The following TENM4 variants were observed in gnomAD, a reference collection of about 807,000 sequenced individuals.
TENM4 encodes the protein teneurin transmembrane protein 4.
TENM4 carries 82 observed loss-of-function variants against 243.3 expected under a neutral mutation model. The ratio of observed to expected loss-of-function variants is 0.34; its 90% confidence interval spans 0.28 to 0.40. The LOEUF (loss-of-function observed/expected upper bound fraction) is 0.40, where lower values mean the gene tolerates loss of function less well. Ranked by LOEUF, TENM4 falls within the 10% of genes least tolerant of loss-of-function variation. The pLI, the probability that TENM4 is intolerant of heterozygous loss-of-function variation, is 1.00. For missense variants in TENM4, 3,138 were observed against 3,673.3 expected, an observed-to-expected ratio of 0.85 and a Z score of 3.77; for synonymous variants, 1,412 against 1,456.3, an observed-to-expected ratio of 0.97 and a Z score of 0.69.
rs372323028 is a variant in TENM4 at position 78,854,147 on chromosome 11, G to A, written c.1638C>T (p.Asp546=). 74 of 1,551,706 alleles carry A rather than the reference G, an allele frequency of 4.8e-5. No homozygotes were observed. The Middle Eastern group carries it at 1.2e-3, about 24-fold the overall frequency. The stretch of plus-strand genomic sequence containing the variant: ...AGGAAACCACTTCTGACTCCTTTCC[G>A]TCATTGTAAAAAGCCAAGTGCCAGA... The part of the protein sequence containing the change: ...SGIWHLAFYN[D]GKESEVVSFL... The change falls in exon 12 of 34, where the codon GAC becomes GAT. Residue 546 remains aspartate, a synonymous_variant. Transcript: ENST00000278550.
At chr11:79,242,687 C>G (rs1038020614) in intron 2 of TENM4, among the ~76,000 whole-genome samples, 1 of 152,218 alleles carries the variant, frequency 6.6e-6, no homozygotes, top group Non-Finnish European at 1.5e-5. Flanking sequence ...CTAACCAATT[C>G]CCTAAAGTGG....
intron 6 of TENM4, among the ~76,000 whole-genome samples, chr11:78,977,776 G>A (rs1279192858): frequency 2.0e-5 from 3 of 152,222 alleles, no homozygotes; most frequent in Non-Finnish European, 4.4e-5. Flanking sequence ...TTAGTTCAAC[G>A]ATTGTGGAAG....
At chr11:79,212,779 G>A (rs1049303251) in intron 3 of TENM4, among the ~76,000 whole-genome samples, 6 of 152,046 alleles carry the variant, frequency 3.9e-5, no homozygotes, top group Non-Finnish European at 5.9e-5. Context: ...TCCCGATTTA[G>A]TTTTCTCTCT....
chr11:79,184,404 A>G (rs1275793802), intron 3 of TENM4, among the ~76,000 whole-genome samples: 1 of 152,082 alleles, frequency 6.6e-6, no homozygotes, highest in Non-Finnish European at 1.5e-5. Flanking sequence ...CGCACTCTTA[A>G]GAGAATTTAA....
chr11:78,670,033 G>A lies in TENM4; in HGVS notation c.6312C>T (p.Pro2104=). The change falls in exon 32 of 34, where the codon CCC becomes CCT. Residue 2104 remains proline, a synonymous_variant. Transcript: ENST00000278550. The part of the protein sequence containing the change: ...MQAVINETPL[P]IDLYRYDDVS... ...CATCATCATAGCGATAGAGATCAAT[G>A]GGCAGTGGGGTCTCGTTGATCACAG... 8 of 1,613,932 alleles carry A rather than the reference G, an allele frequency of 5.0e-6. No homozygotes were observed. The highest frequency in any genetic ancestry group is 6.8e-6 in the Non-Finnish European group (8 of 1,179,874).
At position 78,653,176 on chromosome 11, in the gene TENM4, G is replaced by C. The variant is rs2135597395; in HGVS notation, c.*4882C>G. ...GGGCCTAGGACTGAGTCCTCTCCCA[G>C]GTCATCCTGATAGCAGCCAGCAGGG... On this transcript the variant is annotated 3_prime_UTR_variant, in exon 34 of 34. Coordinates refer to ENST00000278550, the MANE Select transcript of TENM4 (RefSeq NM_001098816.3). 6.6e-6 allele frequency: 1 copy of C among 152,340 alleles called. No individual in the cohort carries two copies. Among genetic ancestry groups the C allele is most frequent in the South Asian group, 2.1e-4 (1 of 4,824 alleles). 9.4% of individuals were successfully genotyped at this position (152,340 alleles called of 1,614,324 possible). A position where few individuals can be genotyped will look rare whatever the true frequency, so the allele number is the denominator to read the frequency against.
intron 3 of TENM4, among the ~76,000 whole-genome samples, chr11:79,154,961 T>C (rs1862574763): frequency 6.6e-6 from 1 of 152,198 alleles, no homozygotes; most frequent in South Asian, 2.1e-4. Context: ...AAAATACTTG[T>C]TGAATGAGTG....
intron 6 of TENM4, among the ~76,000 whole-genome samples, chr11:78,925,569 C>T (rs1386085415): frequency 6.6e-6 from 1 of 152,108 alleles, no homozygotes; most frequent in East Asian, 1.9e-4. Flanking sequence ...ACCAGTTGTG[C>T]TGGAAAGATT....
At chr11:79,155,939 G>A (rs1304435621) in intron 3 of TENM4, among the ~76,000 whole-genome samples, 3 of 151,754 alleles carry the variant, frequency 2.0e-5, no homozygotes, top group Admixed American at 6.6e-5. Flanking sequence ...CTTCCCACCT[G>A]CCAGCCATCC....
chr11:78,696,459 T>C (rs529272969), intron 28 of TENM4, among the ~76,000 whole-genome samples: 3 of 146,892 alleles, frequency 2.0e-5, no homozygotes, highest in Admixed American at 6.7e-5. Flanking sequence ...AAGCGTGACA[T>C]CTTGTGTAGC....
chr11:78,729,367 G>A lies in TENM4; in HGVS notation c.3406+9C>T. 1.3e-6 allele frequency: 2 copies of A among 1,565,292 alleles called. No individual in the cohort carries two copies. Among genetic ancestry groups the A allele is most frequent in the Non-Finnish European group, 1.7e-6 (2 of 1,153,350 alleles). On this transcript the variant is annotated intron_variant, in intron 22 of 33. Transcript: ENST00000278550. ...GCTATTCTCTGAGTCCTGCAGCCGG[G>A]AGGCTTACCAAAGGCTTCTGAAAGC... is the stretch of plus-strand genomic sequence containing the variant.
chr11:78,751,079 C>T (rs1856180413), intron 19 of TENM4, among the ~76,000 whole-genome samples: 1 of 152,142 alleles, frequency 6.6e-6, no homozygotes, highest in Non-Finnish European at 1.5e-5. Flanking sequence ...CGGGGTTTTG[C>T]CACATTGCCC....
At position 78,863,035 on chromosome 11, in the gene TENM4, G is replaced by T. The variant is rs754579132; in HGVS notation, c.1182C>A (p.Thr394=). Reference sequence around the variant, plus strand: ...CCCCTGAGGGGTATAGGGAGACGTCGGTTGGCACAGGCCAACTGCTGGCTG... The same window carrying T: ...CCCCTGAGGGGTATAGGGAGACGTCTGTTGGCACAGGCCAACTGCTGGCTG... The part of the protein sequence containing the change: ...EDTASSWPVP[T]DVSLYPSGGT... Residue 394 remains threonine, a synonymous_variant, in exon 10 of 34, where the codon ACC becomes ACA. Coordinates refer to ENST00000278550, the MANE Select transcript of TENM4 (RefSeq NM_001098816.3). 1 of 1,536,460 alleles carries T rather than the reference G, an allele frequency of 6.5e-7. No individual in the cohort carries two copies. The highest frequency in any genetic ancestry group is 1.2e-5 in the South Asian group (1 of 82,692).
At chr11:79,109,520 G>A (rs1441844512) in intron 4 of TENM4, among the ~76,000 whole-genome samples, 1 of 152,198 alleles carries the variant, frequency 6.6e-6, no homozygotes, top group African/African-American at 2.4e-5. Flanking sequence ...TGGTTCTGCG[G>A]TTGCCATGCA....
intron 1 of TENM4, among the ~76,000 whole-genome samples, chr11:79,373,334 A>C (rs512423): frequency 0.4 from 46,784 of 115,578 alleles, 7,688 homozygotes; most frequent in East Asian, 0.44. Flanking sequence ...GGCTGGCTGG[A>C]TGGATGGATG....
intron 2 of TENM4, among the ~76,000 whole-genome samples, chr11:79,222,777 C>T (rs1409114096): frequency 1.3e-5 from 2 of 152,232 alleles, no homozygotes; most frequent in South Asian, 2.1e-4. Flanking sequence ...TTTTTTTATA[C>T]ATTTGCTGGC....
At chr11:78,793,664 A>G (rs1316202308) in intron 15 of TENM4, among the ~76,000 whole-genome samples, 2 of 152,268 alleles carry the variant, frequency 1.3e-5, no homozygotes, top group Non-Finnish European at 2.9e-5. Flanking sequence ...AGTACCTTCA[A>G]TGTTCCAGAA....
intron 10 of TENM4, among the ~76,000 whole-genome samples, chr11:78,856,745 G>T (rs1858690183): frequency 6.6e-6 from 1 of 152,136 alleles, no homozygotes; most frequent in Non-Finnish European, 1.5e-5. Context: ...GTTAGGGGCT[G>T]GGGAAGATGA....
rs1001408395 is a variant in TENM4, at chr11:78,852,631, C to T, written c.1681+1473G>A. On this transcript the variant is annotated intron_variant, in intron 12 of 33. Coordinates refer to ENST00000278550, the MANE Select transcript of TENM4 (RefSeq NM_001098816.3). Reference sequence around the variant, plus strand: ...CCAGGAGTTCAAGGTTGCAGTGAGCCGTGATTGAGTCACTGCACTCCGGCC... The same window carrying T: ...CCAGGAGTTCAAGGTTGCAGTGAGCTGTGATTGAGTCACTGCACTCCGGCC... Among the ~76,000 whole-genome samples, 9 of 152,156 alleles carry T rather than the reference C, an allele frequency of 5.9e-5. No homozygotes were observed. In the East Asian group the frequency reaches 7.8e-4, roughly 13 times the overall value.
Sources: allele counts gnomAD v4.1 joint callset (sites outside exome capture counted in the v4.1 genomes callset), GRCh38; gene constraint gnomAD v4.1.1; transcripts MANE v1.5; gene names NCBI Gene and HGNC (gene_info 2026-07-23, HGNC 2026-07-21).